The following RXFP2 variants were observed in gnomAD, a reference collection of about 807,000 sequenced individuals.
The protein encoded by RXFP2 is relaxin receptor 2.
A neutral mutation model predicts 88.6 loss-of-function variants in RXFP2; 68 were observed. The ratio of observed to expected loss-of-function variants is 0.77; its 90% CI spans 0.63 to 0.94. The LOEUF is 0.94. Ranked by LOEUF, RXFP2 falls within the 40% of genes least tolerant of loss-of-function variation. The pLI, the probability that RXFP2 is intolerant of heterozygous loss-of-function variation, is 0.00. For synonymous variants in RXFP2, 329 were observed against 306.8 expected (o/e 1.07, Z -0.76); for missense variants, 791 against 893.9 (o/e 0.88, Z 1.47).
intron 1 of RXFP2, among the ~76,000 whole-genome samples, 177 bp from the exon 2 acceptor site, chr13:31,758,081 T>C (rs1338071593): frequency 1.3e-5 from 2 of 152,060 alleles, no homozygotes; most frequent in African/African-American, 4.8e-5. Context: ...CAAGACTCCG[T>C]CTAAAAATAA....
At chr13:31,742,876 A>C (rs1871270858) in intron 1 of RXFP2, among the ~76,000 whole-genome samples, 1 of 140,490 alleles carries the variant, frequency 7.1e-6, no homozygotes, top group Admixed American at 6.9e-5. Context: ...TCTATTTAAG[A>C]GCCCAGAATG....
chr13:31,763,478 T>G (rs1293401020), intron 3 of RXFP2, among the ~76,000 whole-genome samples: 1 of 152,072 alleles, frequency 6.6e-6, no homozygotes, highest in African/African-American at 2.4e-5. Context: ...CATCCTACAA[T>G]GCAAAGGACA....
chr13:31,743,690 G>C (rs1185150789), intron 1 of RXFP2, among the ~76,000 whole-genome samples: 1 of 151,216 alleles, frequency 6.6e-6, no homozygotes, highest in Admixed American at 6.6e-5. Context: ...GCCTCTGCAG[G>C]CATCTGTCTC....
chr13:31,788,675 C>T (rs903356012), intron 13 of RXFP2, among the ~76,000 whole-genome samples: 3 of 152,086 alleles, frequency 2.0e-5, no homozygotes, highest in Non-Finnish European at 4.4e-5. Context: ...CATGGTTTTC[C>T]ATCCTAAAGA....
intron 1 of RXFP2, among the ~76,000 whole-genome samples, 172 bp downstream of exon 1, chr13:31,739,878 G>GT (rs904856717): frequency 6.6e-6 from 1 of 151,836 alleles, no homozygotes; most frequent in African/African-American, 2.4e-5. Flanking sequence ...ACACAGCCTA[G>GT]TAATTTTTAG....
At chr13:31,775,197 C>T (rs1268105783) in intron 6 of RXFP2, 121 bp from the exon 7 acceptor site, 7 of 849,120 alleles carry the variant, frequency 8.2e-6, no homozygotes, top group South Asian at 5.7e-5. Context: ...CTCATTCAGC[C>T]GAATACTTTC....
chr13:31,761,009 T>C (rs9532472), intron 2 of RXFP2, among the ~76,000 whole-genome samples: 101,225 of 151,986 alleles, frequency 0.67, 33,745 homozygotes, highest in Admixed American at 0.72. Flanking sequence ...GGCTGGAGTG[T>C]GGTGCCATGA....
At chr13:31,761,377 A>G (rs1036888878) in intron 2 of RXFP2, among the ~76,000 whole-genome samples, 6 of 152,242 alleles carry the variant, frequency 3.9e-5, no homozygotes, top group African/African-American at 1.4e-4. Flanking sequence ...ACGTGACAAA[A>G]ACAAAATTCA....
intron 5 of RXFP2, among the ~76,000 whole-genome samples, chr13:31,766,345 T>G (rs7334526): frequency 0.15 from 22,635 of 152,012 alleles, 1,664 homozygotes; most frequent in Middle Eastern, 0.19. Flanking sequence ...TCAGAGGCAC[T>G]TTTTCACTTG....
At chr13:31,761,915 A>T in intron 3 of RXFP2, 114 bp downstream of exon 3, 6 of 676,362 alleles carry the variant, frequency 8.9e-6, no homozygotes, top group Non-Finnish European at 1.3e-5. Flanking sequence ...TTTTAGTTCA[A>T]TGTATTTCAC....
Position 31,802,083 on chromosome 13 carries a change from T to A in RXFP2, c.2006-63T>A, listed in dbSNP as rs535365679. 8.5e-6 allele frequency: 13 copies of A among 1,522,386 alleles called. No homozygotes were observed. The African/African-American group carries it at 1.5e-4, about 18-fold the overall frequency. 94.3% of individuals were successfully genotyped at this position (1,522,386 alleles called of 1,614,324 possible). A position where few individuals can be genotyped will look rare whatever the true frequency, so the allele number is the denominator to read the frequency against. ...ATAAATAGCATTGACTGCAAAGTGTTATTTGTATTTTATGTCTATTTAAAA... is the reference window on the plus strand; with the variant it reads ...ATAAATAGCATTGACTGCAAAGTGTAATTTGTATTTTATGTCTATTTAAAA... On this transcript the variant is annotated intron_variant, in intron 17 of 17. Transcript: ENST00000298386.
chr13:31,801,702 G>A (rs1022817943), intron 17 of RXFP2, among the ~76,000 whole-genome samples: 1 of 152,024 alleles, frequency 6.6e-6, no homozygotes, highest in Non-Finnish European at 1.5e-5. Context: ...AGAACACCAG[G>A]GCAGGGCAAT....
intron 1 of RXFP2, among the ~76,000 whole-genome samples, chr13:31,742,477 C>T (rs1365929199): frequency 6.6e-6 from 1 of 152,160 alleles, no homozygotes; most frequent in African/African-American, 2.4e-5. Flanking sequence ...GAAGACTGAC[C>T]TGCTTGCGGG....
At chr13:31,769,011 T>C (rs1872646059) in intron 5 of RXFP2, among the ~76,000 whole-genome samples, 1 of 152,186 alleles carries the variant, frequency 6.6e-6, no homozygotes, top group African/African-American at 2.4e-5. Context: ...AGGAGAGCAG[T>C]AGCTAGCAAG....
chr13:31,767,038 C>A (rs1872577268), intron 5 of RXFP2, among the ~76,000 whole-genome samples: 1 of 152,074 alleles, frequency 6.6e-6, no homozygotes, highest in Admixed American at 6.6e-5. Flanking sequence ...CCTTCAATAT[C>A]CAGCATAGAG....
At chr13:31,786,942 A>T (rs1245446762) in intron 13 of RXFP2, among the ~76,000 whole-genome samples, 1 of 152,256 alleles carries the variant, frequency 6.6e-6, no homozygotes, top group Admixed American at 6.5e-5. Flanking sequence ...TTTTGTTTCT[A>T]AAAGTTTGGT....
chr13:31,739,600 T>C lies in RXFP2; in HGVS notation c.-13T>C. Reference sequence around the variant, plus strand: ...TAAGAGGATACGTCTAATAACTCAATTGCTGTAAACCTATGATTGTTTTTC... The same window carrying C: ...TAAGAGGATACGTCTAATAACTCAACTGCTGTAAACCTATGATTGTTTTTC... On this transcript the variant is annotated 5_prime_UTR_variant, in exon 1 of 18. Transcript: ENST00000298386. 6.5e-7 allele frequency: 1 copy of C among 1,540,826 alleles called. No homozygotes were observed. Among genetic ancestry groups the C allele is most frequent in the Non-Finnish European group, 9.0e-7 (1 of 1,113,494 alleles).
At chr13:31,745,307 T>A (rs980886209) in intron 1 of RXFP2, among the ~76,000 whole-genome samples, 1 of 152,142 alleles carries the variant, frequency 6.6e-6, no homozygotes, top group South Asian at 2.1e-4. Flanking sequence ...TACTTCCACA[T>A]AGCCCAGGGA....
At chr13:31,782,851 T>C (rs1873351820) in intron 11 of RXFP2, 104 bp downstream of exon 11, 2 of 743,596 alleles carry the variant, frequency 2.7e-6, no homozygotes, top group Admixed American at 4.0e-5. Flanking sequence ...CAAAATCCTG[T>C]AGACTATTGG....
Sources: allele counts gnomAD v4.1 joint callset (sites outside exome capture counted in the v4.1 genomes callset), GRCh38; gene constraint gnomAD v4.1.1; transcripts MANE v1.5; gene names NCBI Gene and HGNC (gene_info 2026-07-23, HGNC 2026-07-21).